TMA7B: variants seen among roughly 807,000 people sequenced by gnomAD.
TMA7B encodes translation machinery-associated protein 7B.
the TMA7B span, among the ~76,000 whole-genome samples, chr22:39,963,114 A>G: frequency 9.2e-5 from 14 of 152,250 alleles, no homozygotes; most frequent in African/African-American, 3.1e-4. Context: ...ACGTCTTTGC[A>G]GAAATGTAGT....
chr22:39,964,527 G>A, the TMA7B span: 24 of 886,386 alleles, frequency 2.7e-5, no homozygotes, highest in Middle Eastern at 6.5e-4. Flanking sequence ...TGGGGAAGGG[G>A]CCTCTGGCCA....
chr22:39,964,048 C>T, the TMA7B span: 1 of 225,640 alleles, frequency 4.4e-6, no homozygotes. Flanking sequence ...TCAGAGGTAT[C>T]TTTACTCTCC....
the TMA7B span, chr22:39,964,480 G>A: frequency 9.7e-7 from 1 of 1,026,284 alleles, no homozygotes; most frequent in Non-Finnish European, 1.5e-6. Flanking sequence ...ACAAAAAGAG[G>A]AGCAGAAGAA....
chr22:39,963,386 G>C, the TMA7B span, among the ~76,000 whole-genome samples: 4,825 of 152,194 alleles, frequency 0.032, 262 homozygotes, highest in African/African-American at 0.11. Flanking sequence ...GAGAGTAAAA[G>C]GGTCAATGTT....
chr22:39,963,366 T>TAAC, the TMA7B span, among the ~76,000 whole-genome samples: 3 of 152,168 alleles, frequency 2.0e-5, no homozygotes, highest in Non-Finnish European at 2.9e-5. Context: ...CACCCATCCT[T>TAAC]ACAGCTTATG....
At chr22:39,964,288 T>C in the TMA7B span, 3 of 654,038 alleles carry the variant, frequency 4.6e-6, no homozygotes, top group African/African-American at 5.4e-5. Flanking sequence ...GTCCCATCAC[T>C]TGTGAGTCCA....
the TMA7B span, chr22:39,963,883 G>A: frequency 6.5e-6 from 1 of 153,418 alleles, no homozygotes; most frequent in South Asian, 2.0e-4. Flanking sequence ...GGGCGTGGTG[G>A]CGGGCGCCTG....
chr22:39,964,482 G>A, the TMA7B span: 1 of 1,026,470 alleles, frequency 9.7e-7, no homozygotes, highest in Non-Finnish European at 1.5e-6. Flanking sequence ...AAAAAGAGGA[G>A]CAGAAGAAAC....
the TMA7B span, chr22:39,960,722 T>C: frequency 6.5e-6 from 1 of 153,532 alleles, no homozygotes; most frequent in African/African-American, 2.4e-5. Flanking sequence ...CAGCTGACAC[T>C]CCTACAAGAC....
chr22:39,964,652 G>T, the TMA7B span: 1 of 583,998 alleles, frequency 1.7e-6, no homozygotes, highest in South Asian at 2.2e-5. Context: ...AATATCTTTT[G>T]CCACCTATAG....
the TMA7B span, chr22:39,964,026 C>A: frequency 1.1e-5 from 2 of 189,336 alleles, no homozygotes; most frequent in Non-Finnish European, 1.1e-5. Flanking sequence ...AAAAAGAAAC[C>A]TCCACTTACT....
chr22:39,964,346 C>G, the TMA7B span: 1 of 707,086 alleles, frequency 1.4e-6, no homozygotes, highest in Admixed American at 2.0e-5. Context: ...CGTCCAGTGG[C>G]AGGGTCTGGG....
the TMA7B span, chr22:39,964,677 C>T: frequency 1.4e-5 from 7 of 489,540 alleles, no homozygotes; most frequent in Admixed American, 7.5e-5. Context: ...AATTAAGTGT[C>T]GTCTTGGAGC....
At chr22:39,963,194 C>T in the TMA7B span, among the ~76,000 whole-genome samples, 1 of 152,238 alleles carries the variant, frequency 6.6e-6, no homozygotes, top group East Asian at 1.9e-4. Context: ...TAATTAAGAG[C>T]TAATTGTAGT....
At chr22:39,961,525 G>T in the TMA7B span, among the ~76,000 whole-genome samples, 2 of 152,350 alleles carry the variant, frequency 1.3e-5, no homozygotes, top group African/African-American at 4.8e-5. Context: ...AGGGCCAGGA[G>T]TGGGGGAGGA....
At chr22:39,961,292 AAG>A in the TMA7B span, among the ~76,000 whole-genome samples, 1 of 152,044 alleles carries the variant, frequency 6.6e-6, no homozygotes, top group African/African-American at 2.4e-5. Flanking sequence ...CAGGGGGAGA[AAG>A]AGGAGCGGGA....
chr22:39,962,567 C>A, the TMA7B span, among the ~76,000 whole-genome samples: 2 of 151,970 alleles, frequency 1.3e-5, no homozygotes, highest in African/African-American at 4.8e-5. Context: ...TAAACTTGAC[C>A]AAGTAATTTG....
the TMA7B span, among the ~76,000 whole-genome samples, chr22:39,962,715 T>G: frequency 1.3e-5 from 2 of 152,026 alleles, no homozygotes; most frequent in East Asian, 3.9e-4. Flanking sequence ...TGGAGTGCAG[T>G]GGCGCAATCT....
the TMA7B span, among the ~76,000 whole-genome samples, chr22:39,962,665 G>A: frequency 1.3e-5 from 2 of 151,722 alleles, no homozygotes; most frequent in African/African-American, 2.4e-5. Flanking sequence ...TTGTGGTTTC[G>A]TTGGTTTTTT....
Sources: gnomAD v4.1 joint callset for allele counts (sites outside exome capture counted in the v4.1 genomes callset) on GRCh38, gnomAD v4.1.1 for gene constraint, MANE v1.5 for transcripts, NCBI Gene and HGNC (gene_info 2026-07-23, HGNC 2026-07-21) for gene names.